Variants in MACROD2 observed in about 807,000 individuals in gnomAD.
The protein encoded by MACROD2 is ADP-ribose glycohydrolase MACROD2.
A neutral mutation model predicts 70.4 loss-of-function variants in MACROD2; 36 were observed. The observed-to-expected ratio is 0.51, with a 90% CI of 0.39 to 0.68. The LOEUF (loss-of-function observed/expected upper bound fraction) is 0.68, where lower values mean the gene tolerates loss of function less well. MACROD2 is among the 30% of genes least tolerant of loss of function. MACROD2 has a pLI of 0.00. For missense variants in MACROD2, 496 were observed against 538.4 expected (o/e 0.92, Z 0.78); for synonymous variants, 172 against 178.8 (o/e 0.96, Z 0.30).
In MACROD2 at chr20:15,229,920, C is replaced by G; in HGVS notation, c.419-20C>G. 5 of 1,579,888 alleles carry G rather than the reference C, an allele frequency of 3.2e-6. No individual in the cohort carries two copies. The highest frequency in any genetic ancestry group is 4.3e-6 in the Non-Finnish European group (5 of 1,167,408). ...AAAATACCTCGCTTATCCTCTTTTTCCTTCCTTTTGTATTTACAGATGTCA... is the reference window on the plus strand; with the variant it reads ...AAAATACCTCGCTTATCCTCTTTTTGCTTCCTTTTGTATTTACAGATGTCA... On this transcript the variant is annotated intron_variant, in intron 5 of 17. Coordinates refer to ENST00000684519, the MANE Select transcript of MACROD2 (RefSeq NM_001351661.2).
intron 9 of MACROD2, among the ~76,000 whole-genome samples, chr20:15,877,896 A>G (rs541385996): frequency 2.6e-5 from 4 of 152,180 alleles, no homozygotes; most frequent in Admixed American, 2.0e-4. Flanking sequence ...ACCTGCCCAT[A>G]TGTACGGATG....
chr20:15,112,610 T>G (rs983569841), intron 5 of MACROD2, among the ~76,000 whole-genome samples: 5 of 152,170 alleles, frequency 3.3e-5, no homozygotes, highest in African/African-American at 1.2e-4. Context: ...TCAAGCCCTG[T>G]GATCTTAAAA....
intron 8 of MACROD2, among the ~76,000 whole-genome samples, chr20:15,646,058 C>T (rs540476378): frequency 1.3e-5 from 2 of 152,254 alleles, no homozygotes; most frequent in South Asian, 4.2e-4. Context: ...TCAACAGCTC[C>T]TGCTTCTTTT....
chr20:15,206,107 T>C (rs2076699548), intron 5 of MACROD2, among the ~76,000 whole-genome samples: 2 of 152,234 alleles, frequency 1.3e-5, no homozygotes, highest in South Asian at 4.1e-4. Flanking sequence ...TAAAACTTAA[T>C]TCATTTTCTA....
chr20:15,876,221 C>T (rs886868314), intron 9 of MACROD2, among the ~76,000 whole-genome samples: 6 of 151,418 alleles, frequency 4.0e-5, no homozygotes, highest in Non-Finnish European at 4.4e-5. Flanking sequence ...CCCATTAACT[C>T]GTCATTTACA....
intron 6 of MACROD2, among the ~76,000 whole-genome samples, chr20:15,364,715 T>G (rs1187263931): frequency 6.6e-6 from 1 of 152,190 alleles, no homozygotes; most frequent in East Asian, 1.9e-4. Context: ...CCTTTTCCAA[T>G]GAGATAATAG....
chr20:14,777,766 G>A (rs2123780786), intron 5 of MACROD2, among the ~76,000 whole-genome samples: 1 of 152,254 alleles, frequency 6.6e-6, no homozygotes, highest in Non-Finnish European at 1.5e-5. Context: ...GTGTCTGACA[G>A]CTAGTGTAAG....
intron 6 of MACROD2, among the ~76,000 whole-genome samples, chr20:15,281,099 A>C (rs1380064194): frequency 6.6e-6 from 1 of 152,204 alleles, no homozygotes; most frequent in Non-Finnish European, 1.5e-5. Flanking sequence ...AGATCTTGTG[A>C]GAACTCACTC....
intron 8 of MACROD2, among the ~76,000 whole-genome samples, chr20:15,835,676 T>C (rs1447591886): frequency 1.3e-5 from 2 of 152,156 alleles, no homozygotes; most frequent in East Asian, 3.8e-4. Flanking sequence ...ATGTGAAATA[T>C]TATGATCCCT....
rs543965324 is a variant in MACROD2, at chr20:14,583,056, C to T, written c.301+89548C>T. On this transcript the variant is annotated intron_variant, in intron 4 of 17. Transcript: ENST00000684519. ...TCTTGTCTGAGCGTATTTCCAGGCT[C>T]AGGAACTAAGGACGTGTGACTGTAG... is the stretch of plus-strand genomic sequence containing the variant. 8.0e-5 allele frequency among the ~76,000 whole-genome samples: 8 copies of T among 99,784 alleles called. No homozygotes were observed. The South Asian group carries it at 3.6e-3, about 45-fold the overall frequency. 65.5% of individuals were successfully genotyped at this position (99,784 alleles called of 152,430 possible). A position where few individuals can be genotyped will look rare whatever the true frequency, so the allele number is the denominator to read the frequency against.
intron 5 of MACROD2, among the ~76,000 whole-genome samples, chr20:14,698,769 A>AT (rs2071157265): frequency 6.7e-6 from 1 of 149,346 alleles, no homozygotes; most frequent in Admixed American, 6.7e-5. Context: ...ATTAAATGTA[A>AT]TTATTTAATT....
At chr20:14,337,273 A>G in intron 3 of MACROD2, 1 of 251,200 alleles carries the variant, frequency 4.0e-6, no homozygotes, top group Non-Finnish European at 7.5e-6. Flanking sequence ...ACGCACATAT[A>G]TTGCTTGTTG....
intron 5 of MACROD2, among the ~76,000 whole-genome samples, chr20:15,171,684 C>A (rs1208516716): frequency 6.6e-6 from 1 of 152,114 alleles, no homozygotes; most frequent in Admixed American, 6.6e-5. Context: ...TAAAAGTCAC[C>A]TCTCCAAAGA....
chr20:14,576,534 CA>C, intron 4 of MACROD2, among the ~76,000 whole-genome samples: 1 of 152,190 alleles, frequency 6.6e-6, no homozygotes, highest in African/African-American at 2.4e-5. Context: ...TTTTGGGAAC[CA>C]GTTGATTAAT....
At chr20:15,263,902 ATTTG>A (rs1463888333) in intron 6 of MACROD2, among the ~76,000 whole-genome samples, 4 of 152,054 alleles carry the variant, frequency 2.6e-5, no homozygotes, top group Non-Finnish European at 4.4e-5. Context: ...ATTTTACTGA[ATTTG>A]TTTATCAGTT....
intron 4 of MACROD2, among the ~76,000 whole-genome samples, chr20:14,546,903 C>T (rs1245187513): frequency 6.6e-6 from 1 of 151,802 alleles, no homozygotes; most frequent in South Asian, 2.1e-4. Flanking sequence ...ATAGTAGGTG[C>T]TCACCCAATA....
At chr20:14,328,608 G>A (rs1003169373) in intron 3 of MACROD2, among the ~76,000 whole-genome samples, 10 of 151,988 alleles carry the variant, frequency 6.6e-5, no homozygotes, top group African/African-American at 1.2e-4. Context: ...TAAATTTTGC[G>A]GGGGTGAATA....
intron 6 of MACROD2, among the ~76,000 whole-genome samples, chr20:15,426,442 T>C (rs1337169630): frequency 1.3e-5 from 2 of 152,038 alleles, no homozygotes; most frequent in Non-Finnish European, 2.9e-5. Flanking sequence ...CATCCTGGGC[T>C]CAGGTGATTC....
intron 5 of MACROD2, among the ~76,000 whole-genome samples, chr20:14,962,555 C>CTA (rs1259069699): frequency 6.6e-6 from 1 of 150,550 alleles, no homozygotes; most frequent in Non-Finnish European, 1.5e-5. Context: ...CTCTCTGTCT[C>CTA]TATATATATG....
Sources: allele counts gnomAD v4.1 joint callset (sites outside exome capture counted in the v4.1 genomes callset), GRCh38; gene constraint gnomAD v4.1.1; transcripts MANE v1.5; gene names NCBI Gene and HGNC (gene_info 2026-07-23, HGNC 2026-07-21).